DPY19L3: variants seen among roughly 807,000 people sequenced by gnomAD.
DPY19L3 encodes the protein protein C-mannosyl-transferase DPY19L3.
DPY19L3 carries 51 observed loss-of-function variants against 92.3 expected under a neutral mutation model. The observed-to-expected ratio is 0.55, with a 90% CI of 0.44 to 0.70. DPY19L3 has a LOEUF of 0.70. DPY19L3 is among the 30% of genes least tolerant of loss of function. The probability of loss-of-function intolerance (pLI) is 0.00; values close to 1 mark genes in which losing one functional copy is unlikely to be tolerated. For missense variants in DPY19L3, 706 were observed against 855.9 expected, an observed-to-expected ratio of 0.82 and a Z score of 2.18; for synonymous variants, 309 against 315.2, an observed-to-expected ratio of 0.98 and a Z score of 0.21.
Position 32,411,364 on chromosome 19 carries a change from A to C in DPY19L3, c.229A>C (p.Asn77His), listed in dbSNP as rs779528138. ...TLHENDLWFS[N>H]IKEVEREISF... ...ACATGAAAATGATTTATGGTTTTCT[A>C]ATATTAAGGTATGGAGTTTCTTTGA... The change falls in exon 3 of 19, where the codon AAT (asparagine) becomes CAT (histidine). Residue 77 changes from asparagine to histidine, a missense_variant. Asn to His is a moderately conservative substitution (Grantham distance 68). Transcript: ENST00000392250. The C allele has an allele frequency of 6.2e-7, 1 of 1,614,068 alleles. No homozygotes were observed. Among genetic ancestry groups the C allele is most frequent in the South Asian group, 1.1e-5 (1 of 91,070 alleles).
chr19:32,406,789 A>C (rs946541537), intron 1 of DPY19L3, among the ~76,000 whole-genome samples: 8 of 152,144 alleles, frequency 5.3e-5, no homozygotes, highest in African/African-American at 1.9e-4. Context: ...ATTGGTACTT[A>C]AATATGTGTT....
intron 15 of DPY19L3, chr19:32,467,711 C>T: frequency 1.0e-6 from 1 of 987,226 alleles, no homozygotes; most frequent in Non-Finnish European, 1.2e-6. Context: ...TGTCATTGGT[C>T]TTCTATGCTA....
At chr19:32,406,884 A>G (rs976645130) in intron 1 of DPY19L3, among the ~76,000 whole-genome samples, 7 of 152,132 alleles carry the variant, frequency 4.6e-5, no homozygotes, top group Non-Finnish European at 1.0e-4. Context: ...ATGAGGTCAC[A>G]TGGGGGATAA....
At chr19:32,479,275 GA>G (rs1319580001) in intron 17 of DPY19L3, among the ~76,000 whole-genome samples, 1 of 152,040 alleles carries the variant, frequency 6.6e-6, no homozygotes, top group East Asian at 1.9e-4. Context: ...GAGGATGCAG[GA>G]AAGGGGCTCC....
At chr19:32,469,218 C>A (rs73569245) in intron 16 of DPY19L3, 6,087 of 158,716 alleles carry the variant, frequency 0.038, 393 homozygotes, top group African/African-American at 0.14. Flanking sequence ...TCTTTCTGGC[C>A]GGGCTCAATG....
intron 3 of DPY19L3, among the ~76,000 whole-genome samples, chr19:32,429,515 C>T (rs187707201): frequency 6.6e-6 from 1 of 152,326 alleles, no homozygotes; most frequent in African/African-American, 2.4e-5. Flanking sequence ...TGCATTTTTA[C>T]TAATTAGGTC....
At chr19:32,413,268 A>G (rs1418910850) in intron 3 of DPY19L3, 1 of 152,200 alleles carries the variant, frequency 6.6e-6, no homozygotes, top group Non-Finnish European at 1.5e-5. Context: ...TTTCCAAAAC[A>G]TTTTGAGCTT....
intron 16 of DPY19L3, among the ~76,000 whole-genome samples, chr19:32,474,493 AGGCTTGCAGTAAGC>A (rs1205158137): frequency 1.6e-4 from 24 of 152,248 alleles, no homozygotes; most frequent in Non-Finnish European, 3.2e-4. Flanking sequence ...GCTTAGCTGA[AGGCTTGCAGTAAGC>A]ATTAGTAAAT....
At chr19:32,433,512 G>T (rs1007130792) in intron 4 of DPY19L3, among the ~76,000 whole-genome samples, 3 of 152,156 alleles carry the variant, frequency 2.0e-5, no homozygotes, top group African/African-American at 7.2e-5. Flanking sequence ...CAATCTCCCA[G>T]CCTCAAGCAG....
At position 32,436,580 on chromosome 19, in the gene DPY19L3, A is replaced by G; in HGVS notation, c.450+13A>G. The G allele has an allele frequency of 6.8e-7, 1 of 1,461,690 alleles. No homozygotes were observed. The highest frequency in any genetic ancestry group is 1.5e-5 in the South Asian group (1 of 67,628). 90.5% of individuals were successfully genotyped at this position (1,461,690 alleles called of 1,614,324 possible). On this transcript the variant is annotated intron_variant, in intron 5 of 18. Transcript: ENST00000392250. ...TCTACCCATACAGGTATGTTTTGTG[A>G]TATTGAATTATTAATATCAGATGAA...
At chr19:32,421,378 G>C (rs978233227) in intron 3 of DPY19L3, among the ~76,000 whole-genome samples, 4 of 152,178 alleles carry the variant, frequency 2.6e-5, no homozygotes, top group African/African-American at 7.2e-5. Context: ...GGTGGCTCAC[G>C]CCTGTAATCC....
intron 16 of DPY19L3, among the ~76,000 whole-genome samples, chr19:32,476,879 TTTGTTG>T (rs142648662): frequency 3.3e-5 from 5 of 152,074 alleles, no homozygotes; most frequent in South Asian, 2.1e-4. Context: ...GTTTCCATGT[TTTGTTG>T]TTGTTGTTGT....
In DPY19L3 at chr19:32,485,185, T is replaced by G. The variant is rs1183456882; in HGVS notation, c.*2945T>G. ...TCCCTACTTTAACCTACTTACTTTATTAAATGACCAACTACTGATACTGAT... is the reference window on the plus strand; with the variant it reads ...TCCCTACTTTAACCTACTTACTTTAGTAAATGACCAACTACTGATACTGAT... On this transcript the variant is annotated 3_prime_UTR_variant, in exon 19 of 19. Coordinates refer to ENST00000392250, the MANE Select transcript of DPY19L3 (RefSeq NM_001172774.2). 6.6e-6 allele frequency: 1 copy of G among 152,238 alleles called. No individual in the cohort carries two copies. Among genetic ancestry groups the G allele is most frequent in the Non-Finnish European group, 1.5e-5 (1 of 68,040 alleles). 9.4% of individuals were successfully genotyped at this position (152,238 alleles called of 1,614,324 possible).
At chr19:32,447,243 A>G (rs1229648074) in intron 8 of DPY19L3, among the ~76,000 whole-genome samples, 2 of 152,240 alleles carry the variant, frequency 1.3e-5, no homozygotes, top group African/African-American at 2.4e-5. Context: ...CATCCAAAGC[A>G]GTATTAAGAA....
intron 3 of DPY19L3, among the ~76,000 whole-genome samples, chr19:32,416,239 T>C (rs1766537730): frequency 6.6e-6 from 1 of 152,222 alleles, no homozygotes; most frequent in South Asian, 2.1e-4. Flanking sequence ...TGTGGAAGTC[T>C]GTTGAGAGAG....
intron 16 of DPY19L3, among the ~76,000 whole-genome samples, chr19:32,474,557 G>A (rs1970449931): frequency 6.6e-6 from 1 of 152,182 alleles, no homozygotes. Context: ...GGGTTATTTT[G>A]AAGTGTTTGT....
At chr19:32,471,372 C>G (rs1222852889) in intron 16 of DPY19L3, among the ~76,000 whole-genome samples, 4 of 152,224 alleles carry the variant, frequency 2.6e-5, no homozygotes, top group Non-Finnish European at 4.4e-5. Context: ...TGTCTGTCTT[C>G]TGCCCATGCA....
intron 3 of DPY19L3, among the ~76,000 whole-genome samples, chr19:32,414,178 T>A (rs1599586937): frequency 6.6e-6 from 1 of 152,018 alleles, no homozygotes; most frequent in South Asian, 2.1e-4. Context: ...GCCCGCACTT[T>A]GGGAGGCCGT....
At chr19:32,448,858 C>T (rs1346101012) in intron 8 of DPY19L3, among the ~76,000 whole-genome samples, 1 of 152,150 alleles carries the variant, frequency 6.6e-6, no homozygotes, top group South Asian at 2.1e-4. Context: ...CGCTGATAAT[C>T]CAGGACTTCC....
Sources: allele counts gnomAD v4.1 joint callset (sites outside exome capture counted in the v4.1 genomes callset), GRCh38; gene constraint gnomAD v4.1.1; transcripts MANE v1.5; gene names NCBI Gene and HGNC (gene_info 2026-07-23, HGNC 2026-07-21).